MTREX: variants seen among roughly 807,000 people sequenced by gnomAD.
The protein encoded by MTREX is Mtr4 exosome RNA helicase.
MTREX carries 76 observed loss-of-function variants against 135.4 expected under a neutral mutation model. The ratio of observed to expected loss-of-function variants is 0.56; its 90% CI spans 0.47 to 0.68. The LOEUF (loss-of-function observed/expected upper bound fraction) is 0.68. Ranked by LOEUF, MTREX falls within the 30% of genes least tolerant of loss-of-function variation. The pLI is 0.00. For missense variants in MTREX, 920 were observed against 1,262.1 expected, an observed-to-expected ratio of 0.73 and a Z score of 4.11; for synonymous variants, 404 against 401.6, an observed-to-expected ratio of 1.01 and a Z score of -0.07.
intron 1 of MTREX, among the ~76,000 whole-genome samples, chr5:55,308,886 TG>T (rs772566198): frequency 6.6e-6 from 1 of 152,196 alleles, no homozygotes; most frequent in Non-Finnish European, 1.5e-5. Flanking sequence ...CTCTTGGCAT[TG>T]TGGGGCCAGA....
chr5:55,409,805 A>G (rs563683683), intron 22 of MTREX, among the ~76,000 whole-genome samples: 46 of 152,356 alleles, frequency 3.0e-4, no homozygotes, highest in Non-Finnish European at 4.6e-4. Flanking sequence ...TATTTCCTAG[A>G]TGGATATTTT....
At chr5:55,420,167 G>A (rs372893511) in intron 25 of MTREX, among the ~76,000 whole-genome samples, 2 of 152,246 alleles carry the variant, frequency 1.3e-5, no homozygotes, top group African/African-American at 4.8e-5. Flanking sequence ...GGGGTTTAGC[G>A]GCAAGTAGTT....
intron 25 of MTREX, among the ~76,000 whole-genome samples, chr5:55,420,029 GCA>G (rs1751028819): frequency 6.6e-6 from 1 of 152,056 alleles, no homozygotes; most frequent in Admixed American, 6.6e-5. Context: ...TTACATTTTG[GCA>G]CAGTTTTAGT....
chr5:55,349,723 G>C, intron 12 of MTREX, 71 bp downstream of exon 12: 1 of 839,244 alleles, frequency 1.2e-6, no homozygotes, highest in East Asian at 2.5e-5. Flanking sequence ...TACATTGCTT[G>C]GTTTTATTAC....
chr5:55,309,873 G>C (rs904283218), intron 1 of MTREX, among the ~76,000 whole-genome samples: 5 of 152,176 alleles, frequency 3.3e-5, no homozygotes, highest in African/African-American at 1.2e-4. Flanking sequence ...ATTCTATCAG[G>C]AGTGCGAAAT....
In MTREX at chr5:55,320,452, C is replaced by T. The variant is rs541019591; in HGVS notation, c.135-1875C>T. Among the ~76,000 whole-genome samples the T allele has an allele frequency of 9.9e-5, 15 of 152,174 alleles. No individual in the cohort carries two copies. The East Asian group carries it at 2.7e-3, about 28-fold the overall frequency. ...CAGGATGGTCTCAATCTCCTGACCTCGTGATCTGCCCGCCTTGGCCTCCCA... is the reference window on the plus strand; with the variant it reads ...CAGGATGGTCTCAATCTCCTGACCTTGTGATCTGCCCGCCTTGGCCTCCCA... On this transcript the variant is annotated intron_variant, in intron 1 of 26. Coordinates refer to ENST00000230640, the MANE Select transcript of MTREX (RefSeq NM_015360.5).
At chr5:55,399,115 T>C (rs1352317059) in intron 20 of MTREX, among the ~76,000 whole-genome samples, 4 of 152,252 alleles carry the variant, frequency 2.6e-5, no homozygotes, top group Non-Finnish European at 5.9e-5. Flanking sequence ...CAGGCTCGTG[T>C]AGGATTTTTG....
chr5:55,396,586 T>G (rs1016087352), intron 19 of MTREX, among the ~76,000 whole-genome samples: 3 of 152,200 alleles, frequency 2.0e-5, no homozygotes, highest in Non-Finnish European at 4.4e-5. Context: ...AAACCTTTTT[T>G]GGCAAGTTTG....
intron 14 of MTREX, among the ~76,000 whole-genome samples, chr5:55,358,304 T>C (rs1749953387): frequency 6.6e-6 from 1 of 152,226 alleles, no homozygotes; most frequent in Non-Finnish European, 1.5e-5. Flanking sequence ...AAATTTAGAT[T>C]AAAAGCATAA....
At chr5:55,334,277 T>G (rs148974929) in intron 5 of MTREX, among the ~76,000 whole-genome samples, 1 of 152,116 alleles carries the variant, frequency 6.6e-6, no homozygotes, top group African/African-American at 2.4e-5. Context: ...ATGAATGTAC[T>G]AAATGCCACT....
chr5:55,422,834 T>C (rs771553800), intron 25 of MTREX, 44 bp from the exon 26 acceptor site: 2 of 1,525,400 alleles, frequency 1.3e-6, no homozygotes, highest in Non-Finnish European at 1.8e-6. Context: ...CTGCTGTTCC[T>C]GATTATTTCC....
rs145027736 is a variant in MTREX, at chr5:55,333,192, G to A, written c.515+4381G>A. On this transcript the variant is annotated intron_variant, in intron 5 of 26. Coordinates refer to ENST00000230640, the MANE Select transcript of MTREX (RefSeq NM_015360.5). Reference sequence around the variant, plus strand: ...CTCTTCGTTGAGTTAGAGGAGTGAAGTTTGTATCTTATATTGTCATCTCAG... The same window carrying A: ...CTCTTCGTTGAGTTAGAGGAGTGAAATTTGTATCTTATATTGTCATCTCAG... Among the ~76,000 whole-genome samples the A allele has an allele frequency of 3.6e-3, 546 of 152,208 alleles. 5 individuals are homozygous for A. The Middle Eastern group carries it at 0.065, about 18-fold the overall frequency.
chr5:55,388,485 G>A lies in MTREX; in HGVS notation c.2181+383G>A, dbSNP rs76416865. Among the ~76,000 whole-genome samples the A allele has an allele frequency of 2.4e-3, 358 of 152,180 alleles. 3 individuals carry two copies. Among genetic ancestry groups the A allele is most frequent in the African/African-American group, 8.0e-3 (334 of 41,534 alleles). ...TATTTCCCATTCCCATGGAAATAGAGGCAGTCCTGATTTAGGATTTTTAGA... is the reference window on the plus strand; with the variant it reads ...TATTTCCCATTCCCATGGAAATAGAAGCAGTCCTGATTTAGGATTTTTAGA... On this transcript the variant is annotated intron_variant, in intron 19 of 26. Transcript: ENST00000230640.
At chr5:55,385,416 G>A (rs1023813119) in intron 18 of MTREX, among the ~76,000 whole-genome samples, 3 of 152,112 alleles carry the variant, frequency 2.0e-5, no homozygotes, top group Non-Finnish European at 4.4e-5. Flanking sequence ...GGACTTAGCA[G>A]CAGCAACAGG....
At chr5:55,311,542 G>A (rs1277750851) in intron 1 of MTREX, among the ~76,000 whole-genome samples, 1 of 152,122 alleles carries the variant, frequency 6.6e-6, no homozygotes, top group East Asian at 1.9e-4. Context: ...CCACATCCTG[G>A]ATTTGCTTTC....
At chr5:55,375,655 T>G (rs1750285500) in intron 16 of MTREX, among the ~76,000 whole-genome samples, 1 of 152,170 alleles carries the variant, frequency 6.6e-6, no homozygotes, top group Non-Finnish European at 1.5e-5. Flanking sequence ...ATATACATCC[T>G]CCTCAGCTGA....
intron 1 of MTREX, among the ~76,000 whole-genome samples, chr5:55,311,476 C>T (rs1749110841): frequency 6.6e-6 from 1 of 152,024 alleles, no homozygotes; most frequent in African/African-American, 2.4e-5. Flanking sequence ...CCATTGATTT[C>T]TATTTTGGAG....
In MTREX at chr5:55,379,203, A is replaced by G. The variant is rs963561612; in HGVS notation, c.2052+8A>G. ...AAAAAGTCAAATGTTAAGGTAAACT[A>G]TTATCTTTAAATTAGAATTGTATAT... On this transcript the variant is annotated splice_region_variant and intron_variant, in intron 18 of 26. Transcript: ENST00000230640. 3 of 1,509,582 alleles carry G rather than the reference A, an allele frequency of 2.0e-6. No individual in the cohort carries two copies. Among genetic ancestry groups the G allele is most frequent in the East Asian group, 2.3e-5 (1 of 44,162 alleles). 93.5% of individuals were successfully genotyped at this position (1,509,582 alleles called of 1,614,324 possible). A position where few individuals can be genotyped will look rare whatever the true frequency, so the allele number is the denominator to read the frequency against.
In MTREX at chr5:55,408,590, A is replaced by C. The variant is rs142380495; in HGVS notation, c.2646-1934A>C. ...TTCTTTTTTAAAGACTTTGCAAAAA[A>C]TAAAGGCAAAGTTTACTTTTTTAAT... is the stretch of plus-strand genomic sequence containing the variant. On this transcript the variant is annotated intron_variant, in intron 22 of 26. Coordinates refer to ENST00000230640, the MANE Select transcript of MTREX (RefSeq NM_015360.5). 1.3e-3 allele frequency among the ~76,000 whole-genome samples: 204 copies of C among 152,348 alleles called. 2 individuals are homozygous for C. In the Middle Eastern group the frequency reaches 0.024, roughly 18 times the overall value.
Sources: allele counts gnomAD v4.1 joint callset (sites outside exome capture counted in the v4.1 genomes callset), GRCh38; gene constraint gnomAD v4.1.1; transcripts MANE v1.5; gene names NCBI Gene and HGNC (gene_info 2026-07-23, HGNC 2026-07-21).